Variants in CDKAL1 observed in about 807,000 individuals in gnomAD.
CDKAL1 encodes the protein threonylcarbamoyladenosine tRNA methylthiotransferase.
CDKAL1 carries 32 observed loss-of-function variants against 68.2 expected under a neutral mutation model. The observed-to-expected ratio is 0.47, with a 90% CI of 0.35 to 0.63. CDKAL1 has a LOEUF of 0.63. Ranked by LOEUF, CDKAL1 falls within the 30% of genes least tolerant of loss-of-function variation. CDKAL1 has a pLI of 0.00. For missense variants in CDKAL1, 606 were observed against 696.7 expected, an observed-to-expected ratio of 0.87 and a Z score of 1.47; for synonymous variants, 234 against 244.3, an observed-to-expected ratio of 0.96 and a Z score of 0.39.
chr6:20,587,694 C>T (rs1164853723), intron 4 of CDKAL1, among the ~76,000 whole-genome samples: 1 of 152,128 alleles, frequency 6.6e-6, no homozygotes, highest in Non-Finnish European at 1.5e-5. Context: ...GATCATGCCA[C>T]TGTACTCCAG....
intron 5 of CDKAL1, among the ~76,000 whole-genome samples, chr6:20,684,675 A>G (rs192889340): frequency 1.6e-4 from 24 of 152,288 alleles, no homozygotes; most frequent in African/African-American, 5.5e-4. Flanking sequence ...CATCCTTGCC[A>G]ACATTTGGTG....
Position 20,750,951 on chromosome 6 carries a change from GAAAAAAAAAAAAAAAAAAAAA to G in CDKAL1, c.469-7630_469-7610del, listed in dbSNP as rs59244637. On this transcript the variant is annotated intron_variant, in intron 6 of 15. Coordinates refer to ENST00000274695, the MANE Select transcript of CDKAL1 (RefSeq NM_017774.3). ...TGCACTCCAGGCTGAGCAACAGAGT[GAAAAAAAAAAAAAAAAAAAAA>G]AAAAAAAAAAAAAGAAGTAACAGTA... 1.5e-4 allele frequency among the ~76,000 whole-genome samples: 7 copies of G among 47,074 alleles called. No individual in the cohort carries two copies. The East Asian group carries it at 3.1e-3, about 21-fold the overall frequency. The allele number at this position is 47,074 out of a possible 152,430, so 30.9% of individuals were successfully genotyped here.
chr6:20,879,014 G>T (rs1176049044), intron 9 of CDKAL1, among the ~76,000 whole-genome samples: 2 of 151,588 alleles, frequency 1.3e-5, no homozygotes, highest in Admixed American at 1.3e-4. Flanking sequence ...GAGAGGCAGA[G>T]GTTGCAGTGA....
intron 10 of CDKAL1, among the ~76,000 whole-genome samples, chr6:20,989,874 A>AACC (rs980634114): frequency 2.0e-5 from 3 of 152,152 alleles, no homozygotes; most frequent in African/African-American, 7.2e-5. Context: ...AGATACATGT[A>AACC]ACCACCACCA....
At chr6:20,904,165 A>C (rs933238028) in intron 9 of CDKAL1, among the ~76,000 whole-genome samples, 4 of 152,134 alleles carry the variant, frequency 2.6e-5, no homozygotes, top group African/African-American at 9.7e-5. Flanking sequence ...GTGGTGGGCA[A>C]CCATTGTTTT....
At chr6:21,220,197 C>T (rs1779485824) in intron 15 of CDKAL1, among the ~76,000 whole-genome samples, 2 of 146,504 alleles carry the variant, frequency 1.4e-5, no homozygotes, top group Non-Finnish European at 2.9e-5. Flanking sequence ...CTCGTGCGTG[C>T]GTGCGTGTGT....
At chr6:20,581,104 A>G (rs1765127538) in intron 4 of CDKAL1, among the ~76,000 whole-genome samples, 1 of 152,182 alleles carries the variant, frequency 6.6e-6, no homozygotes, top group Non-Finnish European at 1.5e-5. Context: ...AAAATACATT[A>G]TTAATTTTTC....
At chr6:21,164,821 G>A (rs1777083979) in intron 13 of CDKAL1, among the ~76,000 whole-genome samples, 3 of 152,082 alleles carry the variant, frequency 2.0e-5, no homozygotes, top group Admixed American at 6.6e-5. Context: ...CACCACTGTA[G>A]CTTGCCTCTT....
intron 5 of CDKAL1, among the ~76,000 whole-genome samples, chr6:20,660,179 T>C (rs1007567010): frequency 2.6e-5 from 4 of 152,184 alleles, no homozygotes; most frequent in Non-Finnish European, 4.4e-5. Context: ...GCTAGTTCTT[T>C]ATCCCATATT....
At chr6:21,090,552 T>C (rs1470818749) in intron 12 of CDKAL1, among the ~76,000 whole-genome samples, 1 of 152,234 alleles carries the variant, frequency 6.6e-6, no homozygotes, top group African/African-American at 2.4e-5. Context: ...TTATGGATTA[T>C]GGAGTTATAT....
Position 20,793,762 on chromosome 6 carries a change from G to GTT in CDKAL1, c.638+12505_638+12506dup, listed in dbSNP as rs10684385. Among the ~76,000 whole-genome samples the GTT allele has an allele frequency of 4.1e-5, 6 of 144,654 alleles. No individual in the cohort carries two copies. The East Asian group carries it at 6.0e-4, about 15-fold the overall frequency. The allele number at this position is 144,654 out of a possible 152,430, so 94.9% of individuals were successfully genotyped here. On this transcript the variant is annotated intron_variant, in intron 8 of 15. Transcript: ENST00000274695. Reference sequence around the variant, plus strand: ...GAATAATATAGACATTTCAGGGATTGTTTTTTTTTAATTTTAAATTTAATT... The same window carrying GTT: ...GAATAATATAGACATTTCAGGGATTGTTTTTTTTTTTAATTTTAAATTTAATT...
At chr6:20,947,838 A>G (rs1764327080) in intron 9 of CDKAL1, among the ~76,000 whole-genome samples, 1 of 152,122 alleles carries the variant, frequency 6.6e-6, no homozygotes, top group Admixed American at 6.5e-5. Context: ...TACTGGAAGT[A>G]TGGTTTCTAC....
chr6:20,552,101 G>A (rs879644311), intron 4 of CDKAL1, among the ~76,000 whole-genome samples: 22 of 151,894 alleles, frequency 1.4e-4, no homozygotes, highest in Non-Finnish European at 2.9e-4. Flanking sequence ...CACTTTGGAG[G>A]CCGAGGTGAG....
At chr6:20,874,492 TATTTATTTGTTTGTTTG>T (rs1760394003) in intron 9 of CDKAL1, among the ~76,000 whole-genome samples, 1 of 151,858 alleles carries the variant, frequency 6.6e-6, no homozygotes, top group Non-Finnish European at 1.5e-5. Context: ...ATTTTTATTT[TATTTATTTGTTTGTTTG>T]TTTGTTTATT....
intron 5 of CDKAL1, among the ~76,000 whole-genome samples, chr6:20,691,074 G>C (rs760087755): frequency 3.3e-5 from 5 of 152,132 alleles, no homozygotes; most frequent in Non-Finnish European, 7.3e-5. Flanking sequence ...TGACTTCGAA[G>C]GTCTTAGGGA....
intron 15 of CDKAL1, among the ~76,000 whole-genome samples, chr6:21,211,087 C>T (rs1779131217): frequency 6.6e-6 from 1 of 152,214 alleles, no homozygotes; most frequent in Admixed American, 6.5e-5. Context: ...TCATGGGGAA[C>T]TGTCAATGTG....
At chr6:20,790,209 G>C (rs1430283073) in intron 8 of CDKAL1, among the ~76,000 whole-genome samples, 1 of 152,166 alleles carries the variant, frequency 6.6e-6, no homozygotes, top group Non-Finnish European at 1.5e-5. Flanking sequence ...TAAGCAACAA[G>C]CACAAAACAA....
chr6:20,608,329 A>G (rs569698285), intron 4 of CDKAL1, among the ~76,000 whole-genome samples: 9 of 152,292 alleles, frequency 5.9e-5, no homozygotes, highest in Non-Finnish European at 5.9e-5. Context: ...ACTTAAGGAA[A>G]TTGAAAATTT....
At chr6:20,658,012 T>A (rs1044626392) in intron 5 of CDKAL1, among the ~76,000 whole-genome samples, 2 of 151,348 alleles carry the variant, frequency 1.3e-5, no homozygotes, top group Admixed American at 1.3e-4. Context: ...CTTGGGGGGG[T>A]TCTTGAGTAA....
Sources: allele counts gnomAD v4.1 joint callset (sites outside exome capture counted in the v4.1 genomes callset), GRCh38; gene constraint gnomAD v4.1.1; transcripts MANE v1.5; gene names NCBI Gene and HGNC (gene_info 2026-07-23, HGNC 2026-07-21).